Variants in PCDHA1 observed in about 807,000 individuals in gnomAD.
The protein encoded by PCDHA1 is protocadherin alpha 1.
In PCDHA1, 42 loss-of-function variants were observed where a neutral mutation model predicts 61.3. That is an observed-to-expected ratio of 0.69 (90% CI 0.54 to 0.89). The LOEUF is 0.89. Among genes scored for constraint, PCDHA1 ranks in the 40% least tolerant of loss-of-function variants. The pLI, the probability that PCDHA1 is intolerant of heterozygous loss-of-function variation, is 0.00. For synonymous variants in PCDHA1, 610 were observed against 553.8 expected (o/e 1.10, Z -1.43); for missense variants, 1,256 against 1,235.3 (o/e 1.02, Z -0.25).
chr5:140,900,502 C>T (rs1242310833), intron 1 of PCDHA1, among the ~76,000 whole-genome samples: 3 of 152,184 alleles, frequency 2.0e-5, no homozygotes, highest in Non-Finnish European at 4.4e-5. Context: ...GTCTCAAATT[C>T]CCAGCCTCAG....
chr5:140,927,516 C>G (rs782661477), intron 1 of PCDHA1: 22 of 1,614,066 alleles, frequency 1.4e-5, no homozygotes, highest in Non-Finnish European at 1.8e-5. Flanking sequence ...CTCGGGACGG[C>G]GGGCTACCTG....
At chr5:140,935,732 A>G (rs933243274) in intron 1 of PCDHA1, among the ~76,000 whole-genome samples, 3 of 152,212 alleles carry the variant, frequency 2.0e-5, no homozygotes, top group African/African-American at 4.8e-5. Flanking sequence ...GAAGTCTAGT[A>G]TCTATTATTC....
intron 1 of PCDHA1, chr5:140,967,346 G>C (rs1332345482): frequency 6.2e-7 from 1 of 1,607,970 alleles, no homozygotes; most frequent in Non-Finnish European, 8.5e-7. Context: ...CGAGCACTTC[G>C]AGCTGGACCT....
At chr5:140,796,839 G>A in intron 1 of PCDHA1, 1 of 1,614,102 alleles carries the variant, frequency 6.2e-7, no homozygotes, top group Non-Finnish European at 8.5e-7. Flanking sequence ...TCCGCGTGGG[G>A]CTATACACGG....
At chr5:140,829,537 G>A (rs782695954) in intron 1 of PCDHA1, 1 of 1,613,080 alleles carries the variant, frequency 6.2e-7, no homozygotes, top group Non-Finnish European at 8.5e-7. Context: ...CGCGAGACGC[G>A]GACGCGCAGG....
chr5:140,821,632 A>T, intron 1 of PCDHA1: 1 of 971,634 alleles, frequency 1.0e-6, no homozygotes, highest in Non-Finnish European at 1.5e-6. Context: ...TTAGACAGAA[A>T]GGAAAAGAAC....
At chr5:140,974,815 A>G (rs990559310) in intron 1 of PCDHA1, among the ~76,000 whole-genome samples, 3 of 152,188 alleles carry the variant, frequency 2.0e-5, no homozygotes, top group Non-Finnish European at 4.4e-5. Context: ...GAAGACCAAT[A>G]TGCAACATAA....
In PCDHA1 at chr5:140,904,730, A is replaced by AT. The variant is rs538757271; in HGVS notation, c.2395-74212dup. 7.6e-4 allele frequency among the ~76,000 whole-genome samples: 116 copies of AT among 152,104 alleles called. 1 individual carries two copies. The highest frequency in any genetic ancestry group is 6.8e-3 in the Middle Eastern group (2 of 294). On this transcript the variant is annotated intron_variant, in intron 1 of 3. Transcript: ENST00000504120. ...CACCACATTCTGGCCAACATCTATT[A>AT]TTTTTTTATTATGACCATTTTTGCA...
chr5:140,794,215 C>T (rs1330698427), intron 1 of PCDHA1, among the ~76,000 whole-genome samples: 2 of 152,138 alleles, frequency 1.3e-5, no homozygotes, highest in Admixed American at 1.3e-4. Context: ...TCACATGTTA[C>T]AATATGGATG....
intron 1 of PCDHA1, chr5:140,883,064 G>A (rs2059422329): frequency 1.2e-6 from 2 of 1,614,096 alleles, no homozygotes; most frequent in Non-Finnish European, 1.7e-6. Context: ...CAAGCTAAAT[G>A]CCACAGATCC....
chr5:140,829,977 G>T (rs2150178993), intron 1 of PCDHA1: 1 of 1,613,860 alleles, frequency 6.2e-7, no homozygotes, highest in Non-Finnish European at 8.5e-7. Context: ...CTGTACACGG[G>T]CGAGATCAGC....
chr5:140,836,501 G>T (rs2150262509), intron 1 of PCDHA1: 1 of 1,613,864 alleles, frequency 6.2e-7, no homozygotes, highest in Admixed American at 1.7e-5. Context: ...CCATCTGCGC[G>T]GTGTCCAGTC....
intron 1 of PCDHA1, chr5:140,866,192 G>A (rs2049201997): frequency 6.6e-6 from 1 of 152,028 alleles, no homozygotes; most frequent in Non-Finnish European, 1.5e-5. Context: ...AGAAAACTGT[G>A]GTTTCCAATA....
chr5:140,858,511 GTA>G (rs1554151718), intron 1 of PCDHA1: 1 of 1,433,712 alleles, frequency 7.0e-7, no homozygotes, highest in Admixed American at 2.0e-5. Flanking sequence ...TCTCAAATAT[GTA>G]TCAGAATATT....
At chr5:140,801,840 A>T in intron 1 of PCDHA1, 1 of 1,614,144 alleles carries the variant, frequency 6.2e-7, no homozygotes, top group Non-Finnish European at 8.5e-7. Context: ...AATAACAGCA[A>T]TTGATGGTGG....
At chr5:140,850,365 G>C in intron 1 of PCDHA1, 1 of 1,597,962 alleles carries the variant, frequency 6.3e-7, no homozygotes, top group Middle Eastern at 1.7e-4. Flanking sequence ...CCCGTTCCGC[G>C]TGGGGCTGTA....
rs139863676 is a variant in PCDHA1, at chr5:140,843,172, C to T, written c.2394+54488C>T. ...ATGAGCTGCAGCCAGCTGCAAGCAG[C>T]CCTCGCATCCCGTTCCGCGTGGGGC... On this transcript the variant is annotated intron_variant, in intron 1 of 3. Transcript: ENST00000504120. 15,808 of 1,596,034 alleles carry T rather than the reference C, an allele frequency of 9.9e-3. 1,621 individuals are homozygous for T. Among genetic ancestry groups the T allele is most frequent in the Non-Finnish European group, 0.012 (14,321 of 1,165,582 alleles).
At chr5:140,880,231 A>G (rs2058275588) in intron 1 of PCDHA1, among the ~76,000 whole-genome samples, 1 of 152,266 alleles carries the variant, frequency 6.6e-6, no homozygotes, top group South Asian at 2.1e-4. Context: ...CATTTAAATT[A>G]GTGTATGTGC....
At chr5:140,824,259 T>A in intron 1 of PCDHA1, 2 of 1,319,982 alleles carry the variant, frequency 1.5e-6, no homozygotes, top group South Asian at 2.6e-5. Flanking sequence ...ATTATTGCAC[T>A]AATTCATGTA....
Sources: gnomAD v4.1 joint callset for allele counts (sites outside exome capture counted in the v4.1 genomes callset) on GRCh38, gnomAD v4.1.1 for gene constraint, MANE v1.5 for transcripts, NCBI Gene and HGNC (gene_info 2026-07-23, HGNC 2026-07-21) for gene names.